The following DENND3 variants were observed in gnomAD, a reference collection of about 807,000 sequenced individuals.
The protein encoded by DENND3 is DENN domain-containing protein 3.
DENND3 carries 88 observed loss-of-function variants against 135.1 expected under a neutral mutation model. The ratio of observed to expected loss-of-function variants is 0.65; its 90% CI spans 0.55 to 0.78. The LOEUF (loss-of-function observed/expected upper bound fraction) is 0.78. Ranked by LOEUF, DENND3 falls within the 30% of genes least tolerant of loss-of-function variation. DENND3 has a pLI of 0.00. For missense variants in DENND3, 1,392 were observed against 1,688.4 expected (o/e 0.82, Z 3.08); for synonymous variants, 693 against 712.3 (o/e 0.97, Z 0.43).
chr8:141,142,325 G>T (rs1165355493), intron 4 of DENND3: 3 of 454,984 alleles, frequency 6.6e-6, no homozygotes, highest in Non-Finnish European at 1.3e-5. Context: ...GTTAACAACA[G>T]TTCCCTTTTG....
Position 141,144,689 on chromosome 8 carries a change from C to T in DENND3, c.735+430C>T, listed in dbSNP as rs761735914. ...AAGGTCAGACACGCCTTGTTATGCC[C>T]GCTCCCTTTTGGAGTTTAGGCACAG... is the stretch of plus-strand genomic sequence containing the variant. On this transcript the variant is annotated intron_variant, in intron 5 of 22. Coordinates refer to ENST00000519811, the MANE Select transcript of DENND3 (RefSeq NM_001352890.3). The surrounding 1 kb of genome is among the most constrained non-coding windows in gnomAD (Gnocchi z 4.4). Among the ~76,000 whole-genome samples, 5 of 152,118 alleles carry T rather than the reference C, an allele frequency of 3.3e-5. No individual in the cohort carries two copies. The highest frequency in any genetic ancestry group is 4.2e-4 in the South Asian group (2 of 4,812).
At position 141,180,817 on chromosome 8, in the gene DENND3, G is replaced by A. The variant is rs140640013; in HGVS notation, c.2907G>A (p.Ala969=). ...AAATCAACCCCTCGGCGGGGGAGGC[G>A]TTCCCACAAGCGGTGGACGTGCTGC... The part of the protein sequence containing the change: ...KHKINPSAGE[A]FPQAVDVLLY... The change falls in exon 17 of 23, where the codon GCG becomes GCA. Residue 969 remains alanine (A), a synonymous_variant. Coordinates refer to ENST00000519811, the MANE Select transcript of DENND3 (RefSeq NM_001352890.3). The A allele has an allele frequency of 2.3e-3, 3,669 of 1,612,758 alleles. 11 individuals carry two copies. The highest frequency in any genetic ancestry group is 3.8e-3 in the Middle Eastern group (23 of 6,060).
chr8:141,187,948 G>A (rs529270518), intron 18 of DENND3, among the ~76,000 whole-genome samples: 12 of 152,140 alleles, frequency 7.9e-5, no homozygotes, highest in Non-Finnish European at 1.3e-4. Context: ...GCACTTTGGG[G>A]GGCCGAAGCA....
At chr8:141,153,470 C>T (rs2154612969) in intron 7 of DENND3, among the ~76,000 whole-genome samples, 1 of 152,354 alleles carries the variant, frequency 6.6e-6, no homozygotes, top group Non-Finnish European at 1.5e-5. Flanking sequence ...AGTCCTCAGC[C>T]TGTTGCCAGC....
intron 22 of DENND3, 90 bp from the exon 23 acceptor site, chr8:141,193,943 C>T (rs1589736261): frequency 7.2e-7 from 1 of 1,388,120 alleles, no homozygotes; most frequent in East Asian, 2.4e-5. Flanking sequence ...TTTGGAGGCA[C>T]ACGCGTCAAT....
rs945843022 is a variant in DENND3, at chr8:141,175,138, C to T, written c.2276-62C>T. On this transcript the variant is annotated intron_variant, in intron 13 of 22. Transcript: ENST00000519811. This position sits in a 1 kb window ranked among gnomAD's most constrained non-coding sequence, Gnocchi z 5.4. ...GCGGTTTCTTCAGGTCATGGAGAAGCCCTTGGGGCTCCCGAGGTATGTGGC... is the reference window on the plus strand; with the variant it reads ...GCGGTTTCTTCAGGTCATGGAGAAGTCCTTGGGGCTCCCGAGGTATGTGGC... 1 of 1,543,928 alleles carries T rather than the reference C, an allele frequency of 6.5e-7. No homozygotes were observed. The highest frequency in any genetic ancestry group is 8.7e-7 in the Non-Finnish European group (1 of 1,145,968).
intron 16 of DENND3, among the ~76,000 whole-genome samples, chr8:141,180,394 A>G: frequency 6.6e-6 from 1 of 152,188 alleles, no homozygotes; most frequent in East Asian, 1.9e-4. Flanking sequence ...TTTGCTGGGC[A>G]CTGTGTCATG....
chr8:141,181,148 T>C (rs952231742), intron 17 of DENND3, among the ~76,000 whole-genome samples: 1 of 152,208 alleles, frequency 6.6e-6, no homozygotes, highest in African/African-American at 2.4e-5. Flanking sequence ...TCTAGAGCAG[T>C]CGACGGTCAC....
chr8:141,141,219 A>G lies in DENND3; in HGVS notation c.518A>G (p.Tyr173Cys), dbSNP rs1026878177. ...YRPLHDEYCF[Y>C]NGKTHRECPG... ...TTCATGTAGGATGAGTACTGTTTCT[A>G]CAATGGCAAAACGCACCGGGAGTGT... Residue 173 changes from tyrosine to cysteine, a missense_variant, in exon 4 of 23, where the codon TAC (tyrosine) becomes TGC (cysteine). Tyr to Cys is a radical substitution (Grantham distance 194, BLOSUM62 -2). Transcript: ENST00000519811. The surrounding 1 kb of genome is among the most constrained non-coding windows in gnomAD (Gnocchi z 5.3). The G allele has an allele frequency of 1.2e-6, 2 of 1,614,106 alleles. No homozygotes were observed. The highest frequency in any genetic ancestry group is 8.5e-7 in the Non-Finnish European group (1 of 1,180,040).
chr8:141,153,827 A>G (rs1296740154), intron 7 of DENND3, among the ~76,000 whole-genome samples: 1 of 152,208 alleles, frequency 6.6e-6, no homozygotes, highest in African/African-American at 2.4e-5. Context: ...TAGGAGGACA[A>G]CTTTCTTCCA....
In DENND3 at chr8:141,151,627, A is replaced by G; in HGVS notation, c.864A>G (p.Thr288=). The change falls in exon 7 of 23, where the codon ACA becomes ACG. Residue 288 remains threonine, a synonymous_variant. Coordinates refer to ENST00000519811, the MANE Select transcript of DENND3 (RefSeq NM_001352890.3). ...FRPEKVLQIL[T]CILTEQRIVF... ...GCGGGTTCTCCCCTCAGATCCTGAC[A>G]TGCATCCTGACGGAACAGCGGATCG... 6 of 1,613,564 alleles carry G rather than the reference A, an allele frequency of 3.7e-6. No homozygotes were observed. Among genetic ancestry groups the G allele is most frequent in the Non-Finnish European group, 5.1e-6 (6 of 1,179,954 alleles).
chr8:141,132,890 C>T (rs992951990), intron 1 of DENND3, among the ~76,000 whole-genome samples: 3 of 152,186 alleles, frequency 2.0e-5, no homozygotes, highest in Non-Finnish European at 2.9e-5. Flanking sequence ...TCTAAGAGAT[C>T]ACCAGGTGCC....
chr8:141,190,489 C>T (rs1409908481), intron 20 of DENND3, 72 bp downstream of exon 20: 2 of 1,483,166 alleles, frequency 1.3e-6, no homozygotes, highest in African/African-American at 2.8e-5. Flanking sequence ...TGAACGAGAG[C>T]AGAAAGCCTC....
intron 5 of DENND3, chr8:141,150,367 CG>C: frequency 8.1e-7 from 1 of 1,239,828 alleles, no homozygotes; most frequent in Non-Finnish European, 1.0e-6. Flanking sequence ...TTTAGAAAAA[CG>C]TCTTTCTTAA....
rs1045248 is a variant in DENND3 at position 141,194,227 on chromosome 8, C to G, written c.3831C>G (p.Gly1277=). The G allele has an allele frequency of 0.42, 676,174 of 1,611,342 alleles. 145,387 individuals are homozygous for G. The highest frequency in any genetic ancestry group is 0.66 in the East Asian group (29,617 of 44,798). ...REEGKVAIWK[G]E ...AGGGGAAAGTCGCCATTTGGAAAGGCGAATAAACGTGGCTGAGTCTGCCAA... is the reference window on the plus strand; with the variant it reads ...AGGGGAAAGTCGCCATTTGGAAAGGGGAATAAACGTGGCTGAGTCTGCCAA... The change falls in exon 23 of 23, where the codon GGC becomes GGG. Residue 1277 remains glycine, a synonymous_variant. Coordinates refer to ENST00000519811, the MANE Select transcript of DENND3 (RefSeq NM_001352890.3).
chr8:141,178,047 C>T lies in DENND3; in HGVS notation c.2707-20C>T, dbSNP rs200185302. ...CTTAGTGATTCTTGCTGTTTTGAAA[C>T]GCACGTGTTTCTGTTGTAGGACCCT... is the stretch of plus-strand genomic sequence containing the variant. On this transcript the variant is annotated intron_variant, in intron 15 of 22. Coordinates refer to ENST00000519811, the MANE Select transcript of DENND3 (RefSeq NM_001352890.3). 58 of 1,588,304 alleles carry T rather than the reference C, an allele frequency of 3.7e-5. No homozygotes were observed. Among genetic ancestry groups the T allele is most frequent in the African/African-American group, 5.4e-5 (4 of 74,476 alleles).
intron 5 of DENND3, among the ~76,000 whole-genome samples, chr8:141,148,777 C>T (rs1286700607): frequency 4.6e-5 from 7 of 151,474 alleles, no homozygotes; most frequent in African/African-American, 1.2e-4. Flanking sequence ...GATAGCTGGT[C>T]GGCACATTTG....
chr8:141,139,740 A>G lies in DENND3; in HGVS notation c.502-1463A>G, dbSNP rs1487488933. Among the ~76,000 whole-genome samples the G allele has an allele frequency of 6.6e-6, 1 of 152,202 alleles. No individual in the cohort carries two copies. Among genetic ancestry groups the G allele is most frequent in the Non-Finnish European group, 1.5e-5 (1 of 68,038 alleles). ...AAAAGGAGCAGTCCCTCTGGTTTGC[A>G]TGAGTACAGCAGATGCCACTGTTCC... is the stretch of plus-strand genomic sequence containing the variant. On this transcript the variant is annotated intron_variant, in intron 3 of 22. Transcript: ENST00000519811. The surrounding 1 kb of genome is among the most constrained non-coding windows in gnomAD (Gnocchi z 4.2).
intron 5 of DENND3, among the ~76,000 whole-genome samples, chr8:141,148,831 T>C (rs1005139005): frequency 7.2e-5 from 11 of 152,232 alleles, no homozygotes; most frequent in African/African-American, 2.7e-4. Context: ...TTGACAATTA[T>C]TAATACTGTG....
Sources: gnomAD v4.1 joint callset for allele counts (sites outside exome capture counted in the v4.1 genomes callset) on GRCh38, gnomAD v4.1.1 for gene constraint, Gnocchi (gnomAD v3.1) non-coding constraint, MANE v1.5 for transcripts, NCBI Gene and HGNC (gene_info 2026-07-23, HGNC 2026-07-21) for gene names.